PCYOX1L: variants seen among roughly 807,000 people sequenced by gnomAD.
PCYOX1L encodes the protein prenylcysteine oxidase 1-like.
A neutral mutation model predicts 44.1 loss-of-function variants in PCYOX1L; 40 were observed. The ratio of observed to expected loss-of-function variants is 0.91; its 90% CI spans 0.70 to 1.18. The LOEUF (loss-of-function observed/expected upper bound fraction) is 1.18, where lower values mean the gene tolerates loss of function less well. Ranked by LOEUF, PCYOX1L falls within the 50% of genes most tolerant of loss-of-function variation. The pLI is 0.00. For missense variants in PCYOX1L, 605 were observed against 653.3 expected, an observed-to-expected ratio of 0.93 and a Z score of 0.81; for synonymous variants, 266 against 282.8, an observed-to-expected ratio of 0.94 and a Z score of 0.60.
intron 2 of PCYOX1L, chr5:149,363,059 C>T: frequency 4.3e-6 from 3 of 690,988 alleles, no homozygotes; most frequent in South Asian, 1.5e-5. Flanking sequence ...AGGTTTGACT[C>T]CTAGGCCAGT....
intron 1 of PCYOX1L, chr5:149,362,423 G>C (rs1758032925): frequency 3.6e-6 from 2 of 549,744 alleles, no homozygotes; most frequent in Non-Finnish European, 6.5e-6. Context: ...TTTATGAAAC[G>C]AAAGTATAGT....
intron 1 of PCYOX1L, among the ~76,000 whole-genome samples, chr5:149,361,083 C>G (rs1757994757): frequency 6.6e-6 from 1 of 152,168 alleles, no homozygotes; most frequent in South Asian, 2.1e-4. Flanking sequence ...AGCTTCATAG[C>G]TGGTTTATAG....
At chr5:149,362,965 A>G in intron 2 of PCYOX1L, 122 bp downstream of exon 2, 2 of 1,095,168 alleles carry the variant, frequency 1.8e-6, no homozygotes, top group South Asian at 2.6e-5. Flanking sequence ...CTCATTTTAC[A>G]GATGGAGCAA....
intron 3 of PCYOX1L, 177 bp from the exon 4 acceptor site, chr5:149,365,765 C>T (rs923611562): frequency 2.9e-5 from 18 of 621,552 alleles, no homozygotes; most frequent in Non-Finnish European, 4.2e-5. Flanking sequence ...TTAGGTGGGA[C>T]AGGCCCGCCA....
intron 2 of PCYOX1L, 152 bp downstream of exon 2, chr5:149,362,995 G>A: frequency 1.1e-6 from 1 of 917,184 alleles, no homozygotes; most frequent in South Asian, 1.4e-5. Context: ...GAGAGGGGAA[G>A]GAACTTGCCT....
At chr5:149,367,604 A>T in intron 5 of PCYOX1L, 104 bp downstream of exon 5, 1 of 1,472,366 alleles carries the variant, frequency 6.8e-7, no homozygotes, top group Non-Finnish European at 9.0e-7. Flanking sequence ...CCCCCTGGGG[A>T]GTATTTCCGA....
Position 149,367,448 on chromosome 5 carries a change from C to T in PCYOX1L, c.771C>T (p.Thr257=), listed in dbSNP as rs201278534. 6.2e-7 allele frequency: 1 copy of T among 1,613,926 alleles called. No individual in the cohort carries two copies. Residue 257 remains threonine (T), a synonymous_variant, in exon 5 of 6, where the codon ACC becomes ACT. Transcript: ENST00000274569. ...KLVCSGLLKL[T]KANVIHATVT... is the part of the protein sequence containing the mutation. ...TTTGTTCCGGTTTGCTGAAGCTCAC[C>T]AAGGCCAATGTGATCCATGCCACAG...
At chr5:149,366,501 A>G (rs969021595) in intron 4 of PCYOX1L, among the ~76,000 whole-genome samples, 5 of 152,228 alleles carry the variant, frequency 3.3e-5, no homozygotes, top group Admixed American at 3.3e-4. Flanking sequence ...CCTTTGAGCC[A>G]CTGTGAGAGC....
In PCYOX1L at chr5:149,367,430, C is replaced by A. The variant is rs533718703; in HGVS notation, c.753C>A (p.Ser251=). ...SVEGGNKLVC[S]GLLKLTKANV... ...AAGGAGGCAATAAGCTGGTTTGTTCCGGTTTGCTGAAGCTCACCAAGGCCA... is the reference window on the plus strand; with the variant it reads ...AAGGAGGCAATAAGCTGGTTTGTTCAGGTTTGCTGAAGCTCACCAAGGCCA... Residue 251 remains serine, a synonymous_variant, in exon 5 of 6, where the codon TCC becomes TCA. Transcript: ENST00000274569. 2.5e-6 allele frequency: 4 copies of A among 1,613,930 alleles called. No homozygotes were observed. Among genetic ancestry groups the A allele is most frequent in the African/African-American group, 1.3e-5 (1 of 75,046 alleles).
chr5:149,362,909 C>A, intron 2 of PCYOX1L, 66 bp downstream of exon 2: 1 of 1,539,346 alleles, frequency 6.5e-7, no homozygotes, highest in Non-Finnish European at 8.9e-7. Flanking sequence ...CTGGGCCCTT[C>A]TCAGACTTCC....
At position 149,367,914 on chromosome 5, in the gene PCYOX1L, C is replaced by T. The variant is rs1409403719; in HGVS notation, c.824-79C>T. On this transcript the variant is annotated intron_variant, in intron 5 of 5. Coordinates refer to ENST00000274569, the MANE Select transcript of PCYOX1L (RefSeq NM_024028.4). ...CCCTGAGCACCAGGGTCTCGTTGTA[C>T]CTCAATGCTGGACCCCAGTAGGGAG... The T allele has an allele frequency of 8.3e-6, 12 of 1,443,168 alleles. No individual in the cohort carries two copies. The East Asian group carries it at 2.5e-4, about 30-fold the overall frequency. The allele number at this position is 1,443,168 out of a possible 1,614,324, so 89.4% of individuals were successfully genotyped here. A position where few individuals can be genotyped will look rare whatever the true frequency, so the allele number is the denominator to read the frequency against.
chr5:149,367,065 G>A (rs1364029550), intron 4 of PCYOX1L, among the ~76,000 whole-genome samples: 1 of 152,016 alleles, frequency 6.6e-6, no homozygotes, highest in Admixed American at 6.6e-5. Flanking sequence ...CCCAGCCCTG[G>A]GCAGCTACAG....
intron 1 of PCYOX1L, among the ~76,000 whole-genome samples, chr5:149,358,585 G>A (rs949149885): frequency 2.6e-5 from 4 of 152,168 alleles, no homozygotes; most frequent in Admixed American, 2.0e-4. Flanking sequence ...AGGGAAGTCC[G>A]TGCTGAGCTG....
At position 149,358,145 on chromosome 5, in the gene PCYOX1L, C is replaced by T. The variant is rs1478874606; in HGVS notation, c.77C>T (p.Pro26Leu). The change falls in exon 1 of 6, where the codon CCG becomes CTG. Residue 26 changes from proline (P) to leucine (L), a missense_variant. Physicochemically the swap from Pro to Leu is moderately conservative, Grantham distance 98. Coordinates refer to ENST00000274569, the MANE Select transcript of PCYOX1L (RefSeq NM_024028.4). ...GCCGCTGCTGGCGGAGATGCCCCGC[C>T]GGGCAAAATCGGTGCGGGAAGGACG... Reference protein sequence around the residue: ...AAAAAGGDAPPGKIAVVGAGI... With the variant: ...AAAAAGGDAPLGKIAVVGAGI... 3 of 1,457,338 alleles carry T rather than the reference C, an allele frequency of 2.1e-6. No individual in the cohort carries two copies. Among genetic ancestry groups the T allele is most frequent in the East Asian group, 3.0e-5 (1 of 33,110 alleles). 90.3% of individuals were successfully genotyped at this position (1,457,338 alleles called of 1,614,324 possible).
In PCYOX1L at chr5:149,368,072, C is replaced by T. The variant is rs1244485202; in HGVS notation, c.903C>T (p.Ala301=). 2.5e-6 allele frequency: 4 copies of T among 1,603,230 alleles called. No individual in the cohort carries two copies. Among genetic ancestry groups the T allele is most frequent in the Non-Finnish European group, 3.4e-6 (4 of 1,175,022 alleles). ...SSDFYDIVVI[A]TPLHLDNSSS... is the part of the protein sequence containing the mutation. ...ACTTCTATGACATCGTGGTCATCGC[C>T]ACCCCCCTGCACCTGGACAACAGCA... The change falls in exon 6 of 6, where the codon GCC becomes GCT. Residue 301 remains alanine, a synonymous_variant. Transcript: ENST00000274569.
chr5:149,367,247 G>GT, intron 4 of PCYOX1L, 113 bp from the exon 5 acceptor site: 1 of 1,326,910 alleles, frequency 7.5e-7, no homozygotes, highest in Non-Finnish European at 1.0e-6. Flanking sequence ...CATGCCCATG[G>GT]TTGGGAGAGT....
chr5:149,368,295 C>T lies in PCYOX1L; in HGVS notation c.1126C>T (p.Pro376Ser). The T allele has an allele frequency of 6.2e-7, 1 of 1,614,200 alleles. No homozygotes were observed. The highest frequency in any genetic ancestry group is 8.5e-7 in the Non-Finnish European group (1 of 1,180,036). The change falls in exon 6 of 6, where the codon CCT becomes TCT. Residue 376 changes from proline to serine, a missense_variant. Physicochemically the swap from Pro to Ser is moderately conservative, Grantham distance 74. Transcript: ENST00000274569. ...CTTCTGCACTCTGGACAACATCTGC[C>T]CTGTCAACATCTCTGCCAGCTTCCG... ...SFFCTLDNIC[P>S]VNISASFRRK...
At chr5:149,360,264 T>C (rs766020414) in intron 1 of PCYOX1L, among the ~76,000 whole-genome samples, 13 of 152,186 alleles carry the variant, frequency 8.5e-5, no homozygotes, top group Middle Eastern at 3.2e-3. Context: ...AATTAGAGAA[T>C]TGGTGTCAGT....
intron 1 of PCYOX1L, among the ~76,000 whole-genome samples, chr5:149,360,533 G>C (rs777991407): frequency 6.6e-6 from 1 of 152,124 alleles, no homozygotes; most frequent in African/African-American, 2.4e-5. Flanking sequence ...CCAGGATCTG[G>C]GGACATAGTG....
Sources: allele counts gnomAD v4.1 joint callset (sites outside exome capture counted in the v4.1 genomes callset), GRCh38; gene constraint gnomAD v4.1.1; transcripts MANE v1.5; gene names NCBI Gene and HGNC (gene_info 2026-07-23, HGNC 2026-07-21).